SNTB2: variants seen among roughly 807,000 people sequenced by gnomAD.
SNTB2 encodes the protein syntrophin beta 2, also known as beta-2-syntrophin.
In SNTB2, 34 loss-of-function variants were observed where a neutral mutation model predicts 46.2. That is an observed-to-expected ratio of 0.74 (90% CI 0.56 to 0.98). The LOEUF (loss-of-function observed/expected upper bound fraction) is 0.98. Ranked by LOEUF, SNTB2 falls within the 50% of genes least tolerant of loss-of-function variation. The pLI is 0.00. For missense variants in SNTB2, 603 were observed against 731.4 expected, an observed-to-expected ratio of 0.82 and a Z score of 2.02; for synonymous variants, 290 against 312.6, an observed-to-expected ratio of 0.93 and a Z score of 0.76.
chr16:69,260,357 G>A lies in SNTB2; in HGVS notation c.1005+97G>A, dbSNP rs1345253294. The A allele has an allele frequency of 3.1e-5, 34 of 1,081,530 alleles. No individual in the cohort carries two copies. In the Admixed American group the frequency reaches 7.4e-4, roughly 24 times the overall value. 67.0% of individuals were successfully genotyped at this position (1,081,530 alleles called of 1,614,324 possible). ...TCTGTAATACTTACCATGCAGTTAG[G>A]ACCTGGATATCTAGCTTGCAGATCT... On this transcript the variant is annotated intron_variant, in intron 3 of 6. Coordinates refer to ENST00000336278, the MANE Select transcript of SNTB2 (RefSeq NM_006750.4).
intron 5 of SNTB2, among the ~76,000 whole-genome samples, chr16:69,293,406 GTAC>G (rs1597204158): frequency 6.6e-6 from 1 of 152,182 alleles, no homozygotes; most frequent in East Asian, 1.9e-4. Flanking sequence ...CCAACAATTA[GTAC>G]TACAAGTGCC....
At chr16:69,272,719 C>T (rs1964949876) in intron 4 of SNTB2, among the ~76,000 whole-genome samples, 1 of 150,914 alleles carries the variant, frequency 6.6e-6, no homozygotes, top group East Asian at 2.0e-4. Flanking sequence ...TGGTGAAACC[C>T]CGTCCCTACT....
intron 1 of SNTB2, among the ~76,000 whole-genome samples, chr16:69,216,693 C>G (rs545904752): frequency 1.3e-5 from 2 of 149,374 alleles, no homozygotes; most frequent in Non-Finnish European, 3.0e-5. Context: ...GCCCCCCCCC[C>G]AAAAAAAAAT....
chr16:69,296,266 G>A (rs1040977630), intron 5 of SNTB2, among the ~76,000 whole-genome samples: 64 of 151,882 alleles, frequency 4.2e-4, no homozygotes, highest in African/African-American at 1.5e-3. Flanking sequence ...GGTGACAAGA[G>A]TGAAACTCCG....
chr16:69,231,888 C>T (rs1964509256), intron 1 of SNTB2, among the ~76,000 whole-genome samples: 1 of 152,040 alleles, frequency 6.6e-6, no homozygotes, highest in African/African-American at 2.4e-5. Flanking sequence ...TTTGAGGAAA[C>T]ATTCCAAAGA....
intron 5 of SNTB2, among the ~76,000 whole-genome samples, chr16:69,296,012 G>A (rs1965219633): frequency 6.6e-6 from 1 of 152,240 alleles, no homozygotes; most frequent in African/African-American, 2.4e-5. Context: ...GGGTGTAGTG[G>A]CTCATGCCTG....
chr16:69,257,075 G>A (rs999956981), intron 2 of SNTB2, among the ~76,000 whole-genome samples: 8 of 151,796 alleles, frequency 5.3e-5, no homozygotes, highest in African/African-American at 1.7e-4. Context: ...GGAGGCTGAG[G>A]CAGGAGAATC....
intron 3 of SNTB2, among the ~76,000 whole-genome samples, chr16:69,268,714 A>C (rs1381102435): frequency 6.6e-6 from 1 of 151,754 alleles, no homozygotes; most frequent in Non-Finnish European, 1.5e-5. Context: ...AAATACAAAA[A>C]ATTAGCTGGG....
intron 5 of SNTB2, among the ~76,000 whole-genome samples, chr16:69,297,306 CAAAAAAAAAAA>C (rs60543622): frequency 4.2e-4 from 19 of 45,736 alleles, no homozygotes; most frequent in South Asian, 3.6e-3. Flanking sequence ...GATTCTATCT[CAAAAAAAAAAA>C]AAAAAAAAAA....
chr16:69,193,254 C>T (rs554792744), intron 1 of SNTB2, among the ~76,000 whole-genome samples: 2 of 148,360 alleles, frequency 1.3e-5, no homozygotes, highest in South Asian at 2.1e-4. Context: ...AAAAAAGTTA[C>T]ACCTTACACT....
intron 2 of SNTB2, among the ~76,000 whole-genome samples, chr16:69,247,140 G>A (rs1490084741): frequency 2.6e-5 from 4 of 151,316 alleles, no homozygotes; most frequent in Non-Finnish European, 5.9e-5. Flanking sequence ...TCCTTATACT[G>A]TAGGTAGTAT....
intron 1 of SNTB2, among the ~76,000 whole-genome samples, chr16:69,223,315 C>T (rs149812261): frequency 0.023 from 3,497 of 151,804 alleles, 137 homozygotes; most frequent in African/African-American, 0.08. Flanking sequence ...GCCTCAGCCT[C>T]CCAAGTAGCT....
intron 5 of SNTB2, among the ~76,000 whole-genome samples, chr16:69,288,981 A>G (rs777259298): frequency 6.6e-6 from 1 of 152,080 alleles, no homozygotes; most frequent in African/African-American, 2.4e-5. Flanking sequence ...ATGGGAGCTA[A>G]AAAAGTGGCC....
At chr16:69,188,188 G>A (rs1964013831) in intron 1 of SNTB2, among the ~76,000 whole-genome samples, 1 of 151,478 alleles carries the variant, frequency 6.6e-6, no homozygotes, top group African/African-American at 2.4e-5. Flanking sequence ...GGTATGCTCG[G>A]GCAAACCACC....
intron 1 of SNTB2, among the ~76,000 whole-genome samples, chr16:69,237,996 C>G (rs1473321715): frequency 1.3e-5 from 2 of 152,144 alleles, no homozygotes; most frequent in African/African-American, 4.8e-5. Flanking sequence ...TGTCTGCTTT[C>G]TCTTCCGTAC....
At chr16:69,290,822 T>A (rs1052552205) in intron 5 of SNTB2, among the ~76,000 whole-genome samples, 2 of 152,130 alleles carry the variant, frequency 1.3e-5, no homozygotes, top group Non-Finnish European at 2.9e-5. Context: ...TGGGAACTGG[T>A]GTTAGTATGG....
At chr16:69,190,974 G>C (rs1283498933) in intron 1 of SNTB2, 1 of 152,038 alleles carries the variant, frequency 6.6e-6, no homozygotes, top group African/African-American at 2.4e-5. Context: ...GGTAGGACCG[G>C]GTCACGAAGG....
At chr16:69,204,155 A>AG (rs71148971) in intron 1 of SNTB2, among the ~76,000 whole-genome samples, 41,952 of 152,040 alleles carry the variant, frequency 0.28, 6,435 homozygotes, top group African/African-American at 0.4. Context: ...AGTTTCCCAA[A>AG]TGCTGGGATT....
intron 2 of SNTB2, among the ~76,000 whole-genome samples, chr16:69,256,173 G>A (rs1192765103): frequency 1.3e-5 from 2 of 151,874 alleles, no homozygotes; most frequent in African/African-American, 4.8e-5. Context: ...GTGAAAGAGC[G>A]AAACTCCGTC....
Sources: gnomAD v4.1 joint callset for allele counts (sites outside exome capture counted in the v4.1 genomes callset) on GRCh38, gnomAD v4.1.1 for gene constraint, MANE v1.5 for transcripts, NCBI Gene and HGNC (gene_info 2026-07-23, HGNC 2026-07-21) for gene names.